MYO5B: variants seen among roughly 807,000 people sequenced by gnomAD.
MYO5B encodes the protein unconventional myosin-Vb.
MYO5B carries 143 observed loss-of-function variants against 229.3 expected under a neutral mutation model. That is an observed-to-expected ratio of 0.62 (90% CI 0.54 to 0.72). The LOEUF (loss-of-function observed/expected upper bound fraction) is 0.72. Ranked by LOEUF, MYO5B falls within the 30% of genes least tolerant of loss-of-function variation. The pLI is 0.00. For synonymous variants in MYO5B, 918 were observed against 885.2 expected (o/e 1.04, Z -0.66); for missense variants, 2,321 against 2,331.0 (o/e 1.00, Z 0.09).
At chr18:50,130,650 G>A (rs1263255195) in intron 1 of MYO5B, among the ~76,000 whole-genome samples, 1 of 152,160 alleles carries the variant, frequency 6.6e-6, no homozygotes, top group Non-Finnish European at 1.5e-5. Flanking sequence ...GTTTAATCAT[G>A]AACACCAGGC....
chr18:50,018,373 C>T (rs769328562), intron 4 of MYO5B, among the ~76,000 whole-genome samples: 10 of 151,540 alleles, frequency 6.6e-5, no homozygotes, highest in Non-Finnish European at 1.5e-4. Context: ...CATGTCTCCA[C>T]CTCTTTTTAA....
chr18:50,192,899 T>C (rs912393247), intron 1 of MYO5B, among the ~76,000 whole-genome samples: 3 of 152,238 alleles, frequency 2.0e-5, no homozygotes, highest in Non-Finnish European at 2.9e-5. Context: ...TTTATATTTT[T>C]AATCTTTTAA....
At chr18:49,883,180 G>C (rs1335622365) in intron 22 of MYO5B, among the ~76,000 whole-genome samples, 1 of 152,188 alleles carries the variant, frequency 6.6e-6, no homozygotes, top group East Asian at 1.9e-4. Flanking sequence ...GTTCTAGCCA[G>C]GGCAATAGGC....
At chr18:50,069,252 T>C (rs2030895620) in intron 1 of MYO5B, among the ~76,000 whole-genome samples, 1 of 152,190 alleles carries the variant, frequency 6.6e-6, no homozygotes, top group Non-Finnish European at 1.5e-5. Context: ...TGCTATTATC[T>C]ACTATCTGTC....
At chr18:49,924,761 C>G (rs1274862701) in intron 17 of MYO5B, among the ~76,000 whole-genome samples, 1 of 152,212 alleles carries the variant, frequency 6.6e-6, no homozygotes, top group Non-Finnish European at 1.5e-5. Context: ...AACCACCAAC[C>G]AGGCTGGTAA....
intron 17 of MYO5B, among the ~76,000 whole-genome samples, chr18:49,916,014 C>T (rs548127787): frequency 1.3e-4 from 20 of 152,318 alleles, no homozygotes; most frequent in African/African-American, 4.8e-5. Flanking sequence ...TTGACTCTTT[C>T]GGCTTTGCTG....
chr18:50,043,394 TA>T (rs1178645251), intron 2 of MYO5B, among the ~76,000 whole-genome samples: 1 of 58,676 alleles, frequency 1.7e-5, no homozygotes, highest in Non-Finnish European at 3.5e-5. Context: ...TAAATATATT[TA>T]AATATATTAA....
intron 17 of MYO5B, among the ~76,000 whole-genome samples, chr18:49,922,235 C>T (rs1012046947): frequency 1.3e-5 from 2 of 152,246 alleles, no homozygotes; most frequent in Non-Finnish European, 2.9e-5. Flanking sequence ...CTAAACCTCA[C>T]TTGCTTTATC....
At chr18:50,163,242 A>G (rs541743320) in intron 1 of MYO5B, among the ~76,000 whole-genome samples, 1 of 152,252 alleles carries the variant, frequency 6.6e-6, no homozygotes, top group Non-Finnish European at 1.5e-5. Flanking sequence ...CACTCTCCAA[A>G]AGGGAAAAAG....
chr18:50,112,875 A>T (rs1440990603), intron 1 of MYO5B, among the ~76,000 whole-genome samples: 3 of 152,252 alleles, frequency 2.0e-5, no homozygotes, highest in Admixed American at 6.5e-5. Flanking sequence ...TTTTAAAAAA[A>T]ATTGGGTCAT....
intron 26 of MYO5B, among the ~76,000 whole-genome samples, chr18:49,873,155 C>T (rs924781107): frequency 7.2e-5 from 11 of 152,212 alleles, no homozygotes; most frequent in Non-Finnish European, 4.4e-5. Flanking sequence ...GGAATAACAA[C>T]TCACTAGGAT....
intron 5 of MYO5B, among the ~76,000 whole-genome samples, chr18:49,994,581 A>C (rs1204941272): frequency 6.6e-6 from 1 of 152,234 alleles, no homozygotes; most frequent in African/African-American, 2.4e-5. Context: ...TGCTTGGAAC[A>C]TGCCCAAGGT....
At chr18:50,168,373 G>A (rs1163443718) in intron 1 of MYO5B, among the ~76,000 whole-genome samples, 1 of 152,250 alleles carries the variant, frequency 6.6e-6, no homozygotes, top group Non-Finnish European at 1.5e-5. Context: ...AGGAAAGATA[G>A]TTCTGACACC....
chr18:49,937,285 T>G lies in MYO5B; in HGVS notation c.1865A>C (p.Lys622Thr), dbSNP rs2025261401. ...TTTCTTGTGCTCCTTGTTGGAGACT[T>G]TCATGGGGGGTCTGGCAGAACGGAC... ...ISVRSARPPM[K>T]VSNKEHKKTV... Residue 622 changes from lysine to threonine, a missense_variant, in exon 15 of 40, where the codon AAA becomes ACA. Transcript: ENST00000285039. 1 of 1,613,976 alleles carries G rather than the reference T, an allele frequency of 6.2e-7. No individual in the cohort carries two copies. Among genetic ancestry groups the G allele is most frequent in the African/African-American group, 1.3e-5 (1 of 74,872 alleles).
chr18:49,894,876 G>T, intron 22 of MYO5B, 65 bp downstream of exon 22: 1 of 1,395,288 alleles, frequency 7.2e-7, no homozygotes, highest in Non-Finnish European at 1.0e-6. Flanking sequence ...AGTGCTCTCT[G>T]AGAGGTGGCT....
chr18:50,118,366 T>A (rs2032000643), intron 1 of MYO5B, among the ~76,000 whole-genome samples: 1 of 152,172 alleles, frequency 6.6e-6, no homozygotes. Context: ...TGTCACAGCC[T>A]TTAGTAACTT....
intron 5 of MYO5B, among the ~76,000 whole-genome samples, chr18:49,995,399 C>T (rs1020269235): frequency 6.7e-5 from 10 of 149,556 alleles, no homozygotes; most frequent in Admixed American, 2.7e-4. Context: ...GAACTACAGG[C>T]GCCCACCACC....
intron 17 of MYO5B, among the ~76,000 whole-genome samples, chr18:49,915,653 T>C (rs940911339): frequency 2.6e-5 from 4 of 152,238 alleles, no homozygotes; most frequent in Non-Finnish European, 5.9e-5. Context: ...GCTTTAACAA[T>C]GGAAACATTT....
intron 5 of MYO5B, among the ~76,000 whole-genome samples, chr18:49,996,391 A>G (rs1414009188): frequency 6.6e-6 from 1 of 152,266 alleles, no homozygotes; most frequent in Non-Finnish European, 1.5e-5. Flanking sequence ...ATATTTAATA[A>G]TAAAAAAGAA....
Sources: gnomAD v4.1 joint callset for allele counts (sites outside exome capture counted in the v4.1 genomes callset) on GRCh38, gnomAD v4.1.1 for gene constraint, MANE v1.5 for transcripts, NCBI Gene and HGNC (gene_info 2026-07-23, HGNC 2026-07-21) for gene names.